SLC36A1: variants seen among roughly 807,000 people sequenced by gnomAD.
SLC36A1 encodes the protein proton-coupled amino acid transporter 1.
Under a neutral mutation model 47.5 loss-of-function variants are expected in SLC36A1, and 30 were observed. The ratio of observed to expected loss-of-function variants is 0.63; its 90% CI spans 0.47 to 0.86. The LOEUF is 0.86. SLC36A1 is among the 40% of genes least tolerant of loss of function. The pLI is 0.00. For missense variants in SLC36A1, 517 were observed against 606.0 expected (o/e 0.85, Z 1.54); for synonymous variants, 255 against 249.7 (o/e 1.02, Z -0.20).
chr5:151,507,625 G>GAAA, the SLC36A1 span: 2 of 1,587,516 alleles, frequency 1.3e-6, no homozygotes, highest in Admixed American at 3.5e-5. Context: ...CGGAGACAGA[G>GAAA]TAGTCAGGGG....
the SLC36A1 span, chr5:151,521,838 G>T: frequency 1.9e-6 from 3 of 1,614,198 alleles, no homozygotes; most frequent in Non-Finnish European, 2.5e-6. Flanking sequence ...CGATAATCTT[G>T]CCATCAGGCG....
chr5:151,414,564 T>C, the SLC36A1 span: 2 of 152,142 alleles, frequency 1.3e-5, no homozygotes, highest in Non-Finnish European at 2.9e-5. Context: ...ACCTGGAGTG[T>C]CCTAAGCAAA....
chr5:151,369,108 A>G, the SLC36A1 span, among the ~76,000 whole-genome samples: 1 of 152,230 alleles, frequency 6.6e-6, no homozygotes, highest in Non-Finnish European at 1.5e-5. Flanking sequence ...AGATCTCCAT[A>G]AACAAATCCC....
rs371860767 is a variant in SLC36A1 at position 151,479,386 on chromosome 5, C to T, written c.1056C>T (p.Tyr352=). ...TTTTCACCTACGCACTCCAGTTCTA[C>T]GTCCCGGCTGAGATCATCATCCCCT... is the stretch of plus-strand genomic sequence containing the variant. The part of the protein sequence containing the change: ...GIFFTYALQF[Y]VPAEIIIPFF... The change falls in exon 10 of 11, where the codon TAC becomes TAT. Residue 352 remains tyrosine, a synonymous_variant. Transcript: ENST00000243389. 163 of 1,614,126 alleles carry T rather than the reference C, an allele frequency of 1.0e-4. 1 individual carries two copies. Among genetic ancestry groups the T allele is most frequent in the Non-Finnish European group, 1.2e-4 (136 of 1,180,046 alleles).
intron 1 of SLC36A1, among the ~76,000 whole-genome samples, chr5:151,449,412 A>G (rs1307012810): frequency 6.6e-6 from 1 of 152,168 alleles, no homozygotes; most frequent in Non-Finnish European, 1.5e-5. Context: ...TTGTCTGGGG[A>G]TGGAGGCTAC....
the SLC36A1 span, among the ~76,000 whole-genome samples, chr5:151,532,698 C>T: frequency 9.9e-5 from 15 of 152,170 alleles, no homozygotes; most frequent in Non-Finnish European, 8.8e-5. Context: ...AGCTTTGTCT[C>T]CAATTCTGTT....
chr5:151,521,791 T>C, the SLC36A1 span: 2 of 1,614,156 alleles, frequency 1.2e-6, no homozygotes, highest in East Asian at 2.2e-5. Context: ...GACCGTGACG[T>C]TGAACGAGTA....
chr5:151,349,351 C>T, the SLC36A1 span, among the ~76,000 whole-genome samples: 3 of 152,086 alleles, frequency 2.0e-5, no homozygotes, highest in African/African-American at 7.2e-5. Context: ...CACACCCCAA[C>T]TCATTGCACC....
At chr5:151,437,400 T>G (rs916576468) in intron 1 of SLC36A1, among the ~76,000 whole-genome samples, 5 of 152,232 alleles carry the variant, frequency 3.3e-5, no homozygotes, top group African/African-American at 1.2e-4. Context: ...ATAGTCTCCT[T>G]ATCTGACTTA....
At chr5:151,405,337 CTT>C in the SLC36A1 span, among the ~76,000 whole-genome samples, 893 of 137,842 alleles carry the variant, frequency 6.5e-3, 16 homozygotes, top group African/African-American at 0.024. Flanking sequence ...CTCTCCCTCT[CTT>C]TCTCTTTTTT....
the SLC36A1 span, among the ~76,000 whole-genome samples, chr5:151,395,029 C>T: frequency 6.6e-6 from 1 of 152,196 alleles, no homozygotes; most frequent in Non-Finnish European, 1.5e-5. Flanking sequence ...GCAGGCAGGC[C>T]TCCTTGAGCT....
chr5:151,543,437 C>T, the SLC36A1 span: 2 of 1,614,130 alleles, frequency 1.2e-6, no homozygotes, highest in South Asian at 1.1e-5. Context: ...GCTACTCTTC[C>T]TCCTCCATCC....
chr5:151,538,122 G>A, the SLC36A1 span, among the ~76,000 whole-genome samples: 3 of 152,104 alleles, frequency 2.0e-5, no homozygotes, highest in Non-Finnish European at 2.9e-5. Context: ...AGCAGAGAGA[G>A]GGAGGGAGGG....
chr5:151,451,239 G>A (rs1034727750), intron 1 of SLC36A1, among the ~76,000 whole-genome samples: 3 of 151,854 alleles, frequency 2.0e-5, no homozygotes, highest in South Asian at 2.1e-4. Context: ...TTTTTTTGGA[G>A]ATGAGGTCTC....
At chr5:151,372,272 C>T in the SLC36A1 span, among the ~76,000 whole-genome samples, 3 of 152,072 alleles carry the variant, frequency 2.0e-5, no homozygotes, top group Non-Finnish European at 4.4e-5. Flanking sequence ...TCCCAGCATG[C>T]TGGGAGTTGA....
At chr5:151,446,459 G>A (rs1387075214), upstream of SLC36A1, among the ~76,000 whole-genome samples, 2 of 152,126 alleles carry the variant, frequency 1.3e-5, no homozygotes, top group Non-Finnish European at 2.9e-5. Context: ...GAATCCAGGA[G>A]GCAGAGGTTG....
chr5:151,469,225 G>T, intron 7 of SLC36A1: 1 of 699,734 alleles, frequency 1.4e-6, no homozygotes, highest in South Asian at 1.5e-5. Flanking sequence ...CGCTGTATGT[G>T]ATTGGTCTGT....
the SLC36A1 span, chr5:151,531,456 A>G: frequency 8.0e-7 from 1 of 1,249,628 alleles, no homozygotes; most frequent in Non-Finnish European, 1.1e-6. This position sits in a 1 kb window ranked among gnomAD's most constrained non-coding sequence, Gnocchi z 5.7. Flanking sequence ...GCAGAAGAGA[A>G]TGGAGAAACG....
the SLC36A1 span, among the ~76,000 whole-genome samples, chr5:151,398,670 G>C: frequency 1.3e-5 from 2 of 152,190 alleles, no homozygotes; most frequent in Admixed American, 6.5e-5. Context: ...CAATAATTCA[G>C]TCTTGTTAAA....
Sources: allele counts gnomAD v4.1 joint callset (sites outside exome capture counted in the v4.1 genomes callset), GRCh38; gene constraint gnomAD v4.1.1; non-coding constraint Gnocchi (gnomAD v3.1); transcripts MANE v1.5; gene names NCBI Gene and HGNC (gene_info 2026-07-23, HGNC 2026-07-21).